EHMT1: variants seen among roughly 807,000 people sequenced by gnomAD.
EHMT1 encodes the protein histone-lysine N-methyltransferase EHMT1.
A neutral mutation model predicts 147.2 loss-of-function variants in EHMT1; 15 were observed. That is an observed-to-expected ratio of 0.10 (90% CI 0.07 to 0.16). The LOEUF (loss-of-function observed/expected upper bound fraction) is 0.16. Among genes scored for constraint, EHMT1 ranks in the 10% least tolerant of loss-of-function variants. EHMT1 has a pLI of 1.00. For missense variants in EHMT1, 1,587 were observed against 1,772.4 expected (o/e 0.90, Z 1.88); for synonymous variants, 795 against 709.6 (o/e 1.12, Z -1.91).
At position 137,757,933 on chromosome 9, in the gene EHMT1, G is replaced by A. The variant is rs760309723; in HGVS notation, c.1423G>A (p.Asp475Asn). The A allele has an allele frequency of 1.2e-6, 2 of 1,614,128 alleles. No homozygotes were observed. The highest frequency in any genetic ancestry group is 1.1e-5 in the South Asian group (1 of 91,080). ...AAGCGCTGAGCAGACGGCACCAGGA[G>A]ACAGCACAGGGTACATGGAAGTTTC... ...AGSAEQTAPGDSTGYMEVSLD... is the reference protein window; with the variant it reads ...AGSAEQTAPGNSTGYMEVSLD... The change falls in exon 9 of 27, where the codon GAC (aspartate) becomes AAC (asparagine). Residue 475 changes from aspartate to asparagine, a missense_variant. By Grantham distance (23) the Asp-to-Asn change is conservative (BLOSUM62 1). Around this residue, in one of 7 missense-constraint regions of EHMT1, gnomAD observed 810 missense variants for 673.0 expected, o/e 1.20. Coordinates refer to ENST00000460843, the MANE Select transcript of EHMT1 (RefSeq NM_024757.5).
chr9:137,773,144 C>A (rs528329972), intron 10 of EHMT1, among the ~76,000 whole-genome samples: 1 of 152,342 alleles, frequency 6.6e-6, no homozygotes, highest in South Asian at 2.1e-4. Context: ...CTGAGGGAAT[C>A]ATTCTTAGTA....
chr9:137,691,249 CTGTGTTATAGGA>C (rs1395669499), intron 1 of EHMT1, among the ~76,000 whole-genome samples: 2 of 151,406 alleles, frequency 1.3e-5, no homozygotes, highest in African/African-American at 4.9e-5. Flanking sequence ...TAAGGTTCAT[CTGTGTTATAGGA>C]TGTGTCTGAA....
Position 137,786,282 on chromosome 9 carries a change from C to T in EHMT1, c.2382+3885C>T, listed in dbSNP as rs1205871228. On this transcript the variant is annotated intron_variant, in intron 15 of 26. Coordinates refer to ENST00000460843, the MANE Select transcript of EHMT1 (RefSeq NM_024757.5). This position sits in a 1 kb window ranked among gnomAD's most constrained non-coding sequence, Gnocchi z 4.3. The stretch of plus-strand genomic sequence containing the variant: ...TAGCCTGATGTTTAATTTGATAACC[C>T]GTCCTGCAGAACTTACTGTTGCTGG... 6.6e-6 allele frequency: 1 copy of T among 152,210 alleles called. No homozygotes were observed. The highest frequency in any genetic ancestry group is 2.4e-5 in the African/African-American group (1 of 41,432). The allele number at this position is 152,210 out of a possible 1,614,324, so 9.4% of individuals were successfully genotyped here.
intron 1 of EHMT1, among the ~76,000 whole-genome samples, chr9:137,669,732 TA>T (rs201560123): frequency 6.6e-6 from 1 of 151,422 alleles, no homozygotes; most frequent in Non-Finnish European, 1.5e-5. Context: ...TCTCTTTTTT[TA>T]AAAAAAAATT....
intron 1 of EHMT1, among the ~76,000 whole-genome samples, chr9:137,663,073 G>GT (rs1372056092): frequency 6.6e-6 from 1 of 152,200 alleles, no homozygotes. Flanking sequence ...GAATACAGGT[G>GT]TGAGCCACCG....
At chr9:137,748,506 G>A (rs760724249) in intron 6 of EHMT1, among the ~76,000 whole-genome samples, 14 of 152,108 alleles carry the variant, frequency 9.2e-5, no homozygotes, top group South Asian at 2.1e-4. Context: ...CACTGGGAAC[G>A]GAACCGCCAT....
At position 137,731,342 on chromosome 9, in the gene EHMT1, G is replaced by A. The variant is rs907792785; in HGVS notation, c.823+2813G>A. Among the ~76,000 whole-genome samples the A allele has an allele frequency of 1.7e-4, 26 of 152,290 alleles. No homozygotes were observed. The highest frequency in any genetic ancestry group is 5.8e-4 in the African/African-American group (24 of 41,546). ...CGTGTGTTGTCACCCCAGGGCTTCC[G>A]GAGTGGGCACAGAAGTTACAGTTTC... On this transcript the variant is annotated intron_variant, in intron 4 of 26. Coordinates refer to ENST00000460843, the MANE Select transcript of EHMT1 (RefSeq NM_024757.5). This position sits in a 1 kb window ranked among gnomAD's most constrained non-coding sequence, Gnocchi z 4.3.
chr9:137,621,778 C>G (rs956447129), intron 1 of EHMT1, among the ~76,000 whole-genome samples: 1 of 152,224 alleles, frequency 6.6e-6, no homozygotes, highest in East Asian at 1.9e-4. Flanking sequence ...CTCAGCAAAA[C>G]GTCACCTTCC....
chr9:137,798,383 T>C (rs547509191), intron 16 of EHMT1, among the ~76,000 whole-genome samples: 29 of 151,422 alleles, frequency 1.9e-4, no homozygotes, highest in African/African-American at 6.8e-4. Flanking sequence ...GCCTGGGCGA[T>C]ACAGCAAGAC....
chr9:137,638,569 CT>C (rs1384540682), intron 1 of EHMT1, among the ~76,000 whole-genome samples: 1 of 152,126 alleles, frequency 6.6e-6, no homozygotes, highest in Non-Finnish European at 1.5e-5. Context: ...TTTCTTAATG[CT>C]TTTAGCTATG....
At position 137,817,557 on chromosome 9, in the gene EHMT1, G is replaced by A. The variant is rs531989119; in HGVS notation, c.3461+32G>A. On this transcript the variant is annotated intron_variant, in intron 24 of 26. Coordinates refer to ENST00000460843, the MANE Select transcript of EHMT1 (RefSeq NM_024757.5). ...GAGTCCCTGGGTCACCCCAAGCCTGGTGTCATTTCTGGGACGGAGGCCCAT... is the reference window on the plus strand; with the variant it reads ...GAGTCCCTGGGTCACCCCAAGCCTGATGTCATTTCTGGGACGGAGGCCCAT... 5.6e-6 allele frequency: 9 copies of A among 1,613,838 alleles called. No individual in the cohort carries two copies. The South Asian group carries it at 7.7e-5, about 14-fold the overall frequency.
At chr9:137,807,430 C>T (rs1415701929) in intron 18 of EHMT1, among the ~76,000 whole-genome samples, 1 of 152,092 alleles carries the variant, frequency 6.6e-6, no homozygotes, top group Non-Finnish European at 1.5e-5. Flanking sequence ...CATGTTTCTA[C>T]TTAACTTTCG....
chr9:137,709,733 G>A (rs1203071306), intron 1 of EHMT1, among the ~76,000 whole-genome samples: 1 of 152,170 alleles, frequency 6.6e-6, no homozygotes, highest in African/African-American at 2.4e-5. Flanking sequence ...GCAGCTGTCT[G>A]ACTGGCTGCT....
At chr9:137,726,522 C>T (rs1333711203) in intron 3 of EHMT1, among the ~76,000 whole-genome samples, 2 of 150,262 alleles carry the variant, frequency 1.3e-5, no homozygotes, top group African/African-American at 5.1e-5. Context: ...GTTCGCCCGA[C>T]AGCCGACCCT....
intron 1 of EHMT1, among the ~76,000 whole-genome samples, chr9:137,662,559 G>A (rs1406468539): frequency 6.6e-6 from 1 of 151,820 alleles, no homozygotes; most frequent in Non-Finnish European, 1.5e-5. Context: ...TAGTGTAGTG[G>A]CATGATCTCA....
At chr9:137,683,812 C>T (rs1942187532) in intron 1 of EHMT1, among the ~76,000 whole-genome samples, 1 of 152,040 alleles carries the variant, frequency 6.6e-6, no homozygotes, top group Non-Finnish European at 1.5e-5. Context: ...TATACAATGA[C>T]ACGAGTTTAT....
rs1218159380 is a variant in EHMT1 at position 137,819,555 on chromosome 9, A to G, written c.3540+1417A>G. 1.3e-4 allele frequency among the ~76,000 whole-genome samples: 6 copies of G among 47,390 alleles called. 2 individuals are homozygous for G. The African/African-American group carries it at 1.3e-3, about 10-fold the overall frequency. The allele number at this position is 47,390 out of a possible 152,430, so 31.1% of individuals were successfully genotyped here. On this transcript the variant is annotated intron_variant, in intron 25 of 26. Coordinates refer to ENST00000460843, the MANE Select transcript of EHMT1 (RefSeq NM_024757.5). ...AGAGGCCGACTGAGGGGCGCCGTGT[A>G]CCGAGACCGTAGAGAGGCCGACTGA...
chr9:137,784,267 T>TG, intron 15 of EHMT1: 1 of 1,497,216 alleles, frequency 6.7e-7, no homozygotes, highest in Non-Finnish European at 9.0e-7. Context: ...GGTCCATTCC[T>TG]GGGGGCTGAC....
chr9:137,795,919 T>C (rs1285933143), intron 16 of EHMT1, among the ~76,000 whole-genome samples: 1 of 151,968 alleles, frequency 6.6e-6, no homozygotes, highest in Non-Finnish European at 1.5e-5. Flanking sequence ...AATGTAATAC[T>C]GAAAAACTGT....
Sources: allele counts gnomAD v4.1 joint callset (sites outside exome capture counted in the v4.1 genomes callset), GRCh38; gene constraint gnomAD v4.1.1; regional missense constraint gnomAD v4.1.1; non-coding constraint Gnocchi (gnomAD v3.1); transcripts MANE v1.5; gene names NCBI Gene and HGNC (gene_info 2026-07-23, HGNC 2026-07-21).